Variants in EPHA4 observed in about 807,000 individuals in gnomAD.
EPHA4 encodes ephrin type-A receptor 4.
A neutral mutation model predicts 108.3 loss-of-function variants in EPHA4; 19 were observed. The ratio of observed to expected loss-of-function variants is 0.18; its 90% CI spans 0.12 to 0.26. The LOEUF is 0.26. Among genes scored for constraint, EPHA4 ranks in the 10% least tolerant of loss-of-function variants. EPHA4 has a pLI of 1.00. For missense variants in EPHA4, 917 were observed against 1,254.0 expected, an observed-to-expected ratio of 0.73 and a Z score of 4.06; for synonymous variants, 449 against 455.5, an observed-to-expected ratio of 0.99 and a Z score of 0.18.
chr2:221,431,795 A>C (rs1210477647), intron 14 of EPHA4, among the ~76,000 whole-genome samples: 3 of 152,248 alleles, frequency 2.0e-5, no homozygotes, highest in African/African-American at 7.2e-5. Flanking sequence ...CCAGCTTGGA[A>C]GATGGCTCAT....
chr2:221,459,769 G>A (rs1691082632), intron 5 of EPHA4, among the ~76,000 whole-genome samples: 1 of 152,134 alleles, frequency 6.6e-6, no homozygotes, highest in Non-Finnish European at 1.5e-5. Flanking sequence ...TCCATAAAAA[G>A]GAGCTCTTTA....
chr2:221,495,839 C>G (rs1247653087), intron 4 of EPHA4, among the ~76,000 whole-genome samples: 1 of 152,154 alleles, frequency 6.6e-6, no homozygotes, highest in African/African-American at 2.4e-5. Context: ...CTCTCTTTGG[C>G]TAGAAGAATG....
At chr2:221,467,731 T>C (rs1691354562) in intron 5 of EPHA4, among the ~76,000 whole-genome samples, 1 of 152,186 alleles carries the variant, frequency 6.6e-6, no homozygotes, top group Non-Finnish European at 1.5e-5. Context: ...GGCACCCAAG[T>C]GTCTTTGCTG....
Position 221,514,098 on chromosome 2 carries a change from G to C in EPHA4, c.824-12926C>G, listed in dbSNP as rs866770200. Among the ~76,000 whole-genome samples, 2 of 150,076 alleles carry C rather than the reference G, an allele frequency of 1.3e-5. 1 individual carries two copies. Among genetic ancestry groups the C allele is most frequent in the East Asian group, 3.9e-4 (2 of 5,162 alleles). On this transcript the variant is annotated intron_variant, in intron 3 of 17. Coordinates refer to ENST00000281821, the MANE Select transcript of EPHA4 (RefSeq NM_004438.5). ...TATACTCCTGTAAGCCGGGGGGAGG[G>C]GGTTTGAAAATCTACTTAATGCATT...
chr2:221,474,301 T>C (rs980983254), intron 5 of EPHA4, among the ~76,000 whole-genome samples: 1 of 152,120 alleles, frequency 6.6e-6, no homozygotes, highest in Non-Finnish European at 1.5e-5. Flanking sequence ...TATCTGCTGG[T>C]TTATTTTATT....
chr2:221,480,180 G>A (rs991746270), intron 5 of EPHA4, among the ~76,000 whole-genome samples: 3 of 151,710 alleles, frequency 2.0e-5, no homozygotes, highest in African/African-American at 4.8e-5. Context: ...AAATCCCTAC[G>A]TGTACAGGGG....
At chr2:221,572,016 G>A in intron 1 of EPHA4, 142 bp downstream of exon 1, 1 of 694,064 alleles carries the variant, frequency 1.4e-6, no homozygotes. Context: ...CGATCCCCTC[G>A]CCTCAGCCCC....
intron 15 of EPHA4, among the ~76,000 whole-genome samples, chr2:221,429,114 G>C (rs1054223055): frequency 6.6e-6 from 1 of 152,078 alleles, no homozygotes; most frequent in East Asian, 1.9e-4. Flanking sequence ...CTCACCTCTC[G>C]CAGGCCTGAG....
chr2:221,513,971 C>G (rs984657076), intron 3 of EPHA4, among the ~76,000 whole-genome samples: 6 of 152,006 alleles, frequency 3.9e-5, no homozygotes, highest in African/African-American at 1.5e-4. Context: ...GGGATGGTAG[C>G]AAAGATGAGA....
chr2:221,432,082 A>T (rs938659968), intron 14 of EPHA4, among the ~76,000 whole-genome samples: 2 of 151,398 alleles, frequency 1.3e-5, no homozygotes, highest in Non-Finnish European at 2.9e-5. Flanking sequence ...ATAAAGCCAG[A>T]GAACTGAAAG....
Position 221,436,600 on chromosome 2 carries a change from A to G in EPHA4, c.2145T>C (p.Asp715=), listed in dbSNP as rs1485410886. ...GSLDAFLRKN[D]GRFTVIQLVG... ...CCAGCTGAATGACTGTAAATCTGCC[A>G]TCATTTTTCTGCATAGAAAAGGAGT... The change falls in exon 13 of 18, where the codon GAT becomes GAC. Residue 715 remains aspartate (D), a synonymous_variant. Transcript: ENST00000281821. The G allele has an allele frequency of 1.2e-6, 2 of 1,614,118 alleles. No individual in the cohort carries two copies. Among genetic ancestry groups the G allele is most frequent in the African/African-American group, 2.7e-5 (2 of 75,050 alleles).
At chr2:221,552,088 G>A (rs146552094) in intron 3 of EPHA4, among the ~76,000 whole-genome samples, 123 of 152,204 alleles carry the variant, frequency 8.1e-4, no homozygotes, top group African/African-American at 2.7e-3. Context: ...GCATTACATT[G>A]TTAATTATCT....
intron 5 of EPHA4, among the ~76,000 whole-genome samples, chr2:221,470,240 T>C (rs1691438512): frequency 6.6e-6 from 1 of 151,692 alleles, no homozygotes; most frequent in Non-Finnish European, 1.5e-5. Context: ...GTTGCTTGGC[T>C]TAAAGCACAA....
intron 3 of EPHA4, among the ~76,000 whole-genome samples, chr2:221,550,930 T>C (rs1257817160): frequency 6.6e-6 from 1 of 152,098 alleles, no homozygotes; most frequent in Non-Finnish European, 1.5e-5. Flanking sequence ...TATGTAAATT[T>C]AACAAAATTC....
intron 4 of EPHA4, among the ~76,000 whole-genome samples, chr2:221,491,799 G>A (rs954300300): frequency 4.6e-5 from 7 of 152,016 alleles, no homozygotes; most frequent in African/African-American, 1.2e-4. Context: ...GGAATAGGGC[G>A]AGGGGCAATT....
At chr2:221,505,387 G>T (rs1374391517) in intron 3 of EPHA4, among the ~76,000 whole-genome samples, 2 of 151,962 alleles carry the variant, frequency 1.3e-5, no homozygotes, top group Admixed American at 1.3e-4. Flanking sequence ...GTGCAATGGT[G>T]TGGCCTCAGC....
At chr2:221,493,165 C>T (rs1011789368) in intron 4 of EPHA4, among the ~76,000 whole-genome samples, 2 of 152,130 alleles carry the variant, frequency 1.3e-5, no homozygotes, top group Non-Finnish European at 2.9e-5. Context: ...AGAATGTATG[C>T]CTCCCCCATC....
intron 3 of EPHA4, among the ~76,000 whole-genome samples, chr2:221,504,626 T>C (rs1692578580): frequency 2.6e-5 from 4 of 152,102 alleles, no homozygotes; most frequent in Admixed American, 2.6e-4. Flanking sequence ...TGATTGTCTT[T>C]ATAGTTCATT....
chr2:221,472,556 G>C (rs1332230230), intron 5 of EPHA4, among the ~76,000 whole-genome samples: 4 of 151,938 alleles, frequency 2.6e-5, no homozygotes, highest in African/African-American at 7.2e-5. Context: ...ACAGACAAAA[G>C]GTTCCTAGAC....
Sources: allele counts gnomAD v4.1 joint callset (sites outside exome capture counted in the v4.1 genomes callset), GRCh38; gene constraint gnomAD v4.1.1; transcripts MANE v1.5; gene names NCBI Gene and HGNC (gene_info 2026-07-23, HGNC 2026-07-21).